Variants in GAB1 observed in about 807,000 individuals in gnomAD.
GAB1 encodes the protein GRB2 associated binding protein 1, also known as GRB2-associated-binding protein 1.
A neutral mutation model predicts 66.5 loss-of-function variants in GAB1; 19 were observed. The observed-to-expected ratio is 0.29, with a 90% CI of 0.20 to 0.42. The LOEUF (loss-of-function observed/expected upper bound fraction) is 0.42. Ranked by LOEUF, GAB1 falls within the 10% of genes least tolerant of loss-of-function variation. The pLI is 1.00. For missense variants in GAB1, 732 were observed against 858.5 expected (o/e 0.85, Z 1.84); for synonymous variants, 294 against 301.4 (o/e 0.98, Z 0.25).
intron 1 of GAB1, among the ~76,000 whole-genome samples, chr4:143,414,665 A>G (rs1294902278): frequency 6.6e-6 from 1 of 151,776 alleles, no homozygotes; most frequent in African/African-American, 2.4e-5. Flanking sequence ...ACTCCTTGCC[A>G]CCGCACCTAA....
intron 1 of GAB1, among the ~76,000 whole-genome samples, chr4:143,346,376 G>T (rs1048972609): frequency 6.6e-6 from 1 of 152,314 alleles, no homozygotes; most frequent in Admixed American, 6.5e-5. Flanking sequence ...TCCTCCCTGA[G>T]ATGACTACCT....
intron 1 of GAB1, among the ~76,000 whole-genome samples, chr4:143,371,492 T>C (rs1730119641): frequency 6.6e-6 from 1 of 152,252 alleles, no homozygotes; most frequent in Non-Finnish European, 1.5e-5. Context: ...TCTCCCATTC[T>C]GTAGGTTGCC....
chr4:143,412,172 T>TG (rs889955001), intron 1 of GAB1, among the ~76,000 whole-genome samples: 164 of 152,196 alleles, frequency 1.1e-3, no homozygotes, highest in African/African-American at 3.7e-3. Flanking sequence ...AAGGAATGGA[T>TG]GGGGGGGAGC....
chr4:143,428,808 T>C (rs1733495881), intron 2 of GAB1, among the ~76,000 whole-genome samples: 1 of 131,908 alleles, frequency 7.6e-6, no homozygotes, highest in African/African-American at 2.9e-5. Context: ...TGAGAACACT[T>C]GAACACAGGA....
intron 1 of GAB1, among the ~76,000 whole-genome samples, chr4:143,368,213 C>T (rs1729970930): frequency 6.6e-6 from 1 of 151,328 alleles, no homozygotes. Flanking sequence ...AACTACCTGG[C>T]AAATAATTTC....
chr4:143,367,820 G>A (rs1729953643), intron 1 of GAB1, among the ~76,000 whole-genome samples: 1 of 150,094 alleles, frequency 6.7e-6, no homozygotes, highest in Non-Finnish European at 1.5e-5. Context: ...TGCCTCCCGG[G>A]TTCAAATAAT....
intron 1 of GAB1, chr4:143,350,030 C>T (rs1197197726): frequency 1.2e-5 from 18 of 1,555,114 alleles, no homozygotes; most frequent in South Asian, 3.5e-5. Flanking sequence ...ATGCCACTGC[C>T]GAAACCTCCG....
chr4:143,350,094 C>T (rs1009891118), intron 1 of GAB1: 52 of 1,365,726 alleles, frequency 3.8e-5, no homozygotes, highest in Middle Eastern at 2.4e-4. Context: ...CGGGCCCTCC[C>T]GCTGCACCGG....
At chr4:143,366,700 C>T (rs2149661706) in intron 1 of GAB1, among the ~76,000 whole-genome samples, 1 of 152,216 alleles carries the variant, frequency 6.6e-6, no homozygotes, top group African/African-American at 2.4e-5. Context: ...GTGGATATAT[C>T]ACACTTTATC....
At chr4:143,401,984 C>T (rs927474786) in intron 1 of GAB1, among the ~76,000 whole-genome samples, 5 of 152,032 alleles carry the variant, frequency 3.3e-5, no homozygotes, top group Non-Finnish European at 5.9e-5. Flanking sequence ...TAATAGACTC[C>T]ACCACAGTAC....
intron 8 of GAB1, among the ~76,000 whole-genome samples, chr4:143,464,606 A>T (rs1735683190): frequency 1.3e-5 from 2 of 152,170 alleles, no homozygotes; most frequent in South Asian, 4.1e-4. Flanking sequence ...TTCAAGTAGG[A>T]ATATTACATT....
At chr4:143,460,279 CAG>C in intron 7 of GAB1, 83 bp from the exon 8 acceptor site, 1 of 1,265,448 alleles carries the variant, frequency 7.9e-7, no homozygotes, top group Non-Finnish European at 1.1e-6. Context: ...TGAAAGAATG[CAG>C]ACTGTCTCTC....
chr4:143,396,306 A>C (rs959026651), intron 1 of GAB1, among the ~76,000 whole-genome samples: 3 of 152,228 alleles, frequency 2.0e-5, no homozygotes, highest in Admixed American at 2.0e-4. Context: ...CTTTGGAGTG[A>C]AAAACAATAG....
rs1039061280 is a variant in GAB1 at position 143,471,854 on chromosome 4, T to C, written c.*2665T>C. ...TGTAACACATCAGAATGTGCGTTTT[T>C]ATTAGGTTTTAAAATATGCACGTAT... On this transcript the variant is annotated 3_prime_UTR_variant, in exon 10 of 10. Transcript: ENST00000262994. 1.3e-5 allele frequency: 2 copies of C among 152,184 alleles called. No individual in the cohort carries two copies. The highest frequency in any genetic ancestry group is 2.9e-5 in the Non-Finnish European group (2 of 68,012). 9.4% of individuals were successfully genotyped at this position (152,184 alleles called of 1,614,324 possible). A position where few individuals can be genotyped will look rare whatever the true frequency, so the allele number is the denominator to read the frequency against.
At chr4:143,367,280 A>G (rs1215967899) in intron 1 of GAB1, among the ~76,000 whole-genome samples, 2 of 151,508 alleles carry the variant, frequency 1.3e-5, no homozygotes. Context: ...AATGTTGTGC[A>G]TGTAGTTGGA....
chr4:143,424,949 G>C (rs1347081317), intron 2 of GAB1: 5 of 565,212 alleles, frequency 8.8e-6, no homozygotes, highest in Non-Finnish European at 9.2e-6. Context: ...GCGAGACTCC[G>C]ACTTTAAAAA....
At chr4:143,442,339 A>G (rs1461029919) in intron 6 of GAB1, among the ~76,000 whole-genome samples, 1 of 152,154 alleles carries the variant, frequency 6.6e-6, no homozygotes, top group Non-Finnish European at 1.5e-5. Context: ...GGAGGGAGTA[A>G]GATTTGGGTG....
intron 1 of GAB1, among the ~76,000 whole-genome samples, chr4:143,393,985 A>G (rs1731311788): frequency 6.6e-6 from 1 of 152,170 alleles, no homozygotes; most frequent in Admixed American, 6.6e-5. Context: ...TGAGAAAGGT[A>G]GTCAGCAGCT....
chr4:143,370,835 G>T (rs1055435332), intron 1 of GAB1, among the ~76,000 whole-genome samples: 2 of 152,142 alleles, frequency 1.3e-5, no homozygotes, highest in African/African-American at 2.4e-5. Flanking sequence ...TGCTCAGAAT[G>T]ATGGTTTCCA....
Sources: gnomAD v4.1 joint callset for allele counts (sites outside exome capture counted in the v4.1 genomes callset) on GRCh38, gnomAD v4.1.1 for gene constraint, MANE v1.5 for transcripts, NCBI Gene and HGNC (gene_info 2026-07-23, HGNC 2026-07-21) for gene names.